Variants in PTCH1 observed in about 807,000 individuals in gnomAD.
The protein encoded by PTCH1 is patched 1.
Under a neutral mutation model 144.6 loss-of-function variants are expected in PTCH1, and 14 were observed. That is an observed-to-expected ratio of 0.10 (90% CI 0.06 to 0.15). The LOEUF (loss-of-function observed/expected upper bound fraction) is 0.15, where lower values mean the gene tolerates loss of function less well. Ranked by LOEUF, PTCH1 falls within the 10% of genes least tolerant of loss-of-function variation. PTCH1 has a pLI of 1.00. For synonymous variants in PTCH1, 833 were observed against 793.6 expected, an observed-to-expected ratio of 1.05 and a Z score of -0.83; for missense variants, 1,623 against 1,948.3, an observed-to-expected ratio of 0.83 and a Z score of 3.14.
chr9:95,508,649 C>T lies in PTCH1; in HGVS notation c.-288G>A, dbSNP rs919859177. ...CCGAGGTCTCTGCGGCCGCCGCTGC[C>T]CACATCCAGTTCGCGGAAGAGCGAG... On this transcript the variant is annotated 5_prime_UTR_variant, in exon 1 of 24. The change creates a premature stop within an existing upstream ORF in the 5' untranslated region. Coordinates refer to ENST00000331920, the MANE Select transcript of PTCH1 (RefSeq NM_000264.5). 2.0e-6 allele frequency: 2 copies of T among 988,944 alleles called. No homozygotes were observed. The highest frequency in any genetic ancestry group is 2.4e-6 in the Non-Finnish European group (2 of 832,664). 61.3% of individuals were successfully genotyped at this position (988,944 alleles called of 1,614,324 possible). A position where few individuals can be genotyped will look rare whatever the true frequency, so the allele number is the denominator to read the frequency against.
chr9:95,516,854 G>C, exon 1 of PTCH1: 1 of 1,558,010 alleles, frequency 6.4e-7, no homozygotes, highest in Non-Finnish European at 8.7e-7. Flanking sequence ...CGCGCCATAG[G>C]CAGGACCTGT....
At chr9:95,447,520 C>G (rs1838068556) in intron 22 of PTCH1, 69 bp from the exon 23 acceptor site, 1 of 1,444,934 alleles carries the variant, frequency 6.9e-7, no homozygotes, top group East Asian at 2.3e-5. Context: ...AGCTCCCACA[C>G]TTCCCTCCTT....
At chr9:95,491,830 T>C (rs1036239667) in intron 2 of PTCH1, among the ~76,000 whole-genome samples, 7 of 152,314 alleles carry the variant, frequency 4.6e-5, no homozygotes, top group African/African-American at 1.7e-4. Context: ...TCTGACCTCA[T>C]GTAATCAGTC....
At position 95,486,281 on chromosome 9, in the gene PTCH1, C is replaced by T. The variant is rs925224984; in HGVS notation, c.395-407G>A. On this transcript the variant is annotated intron_variant, in intron 2 of 23. Transcript: ENST00000331920. ...ATAAATGGCTTCAATTTACACTCTT[C>T]TCCTAAGTAAACTGGCAAAGGTAAC... is the stretch of plus-strand genomic sequence containing the variant. 5.3e-5 allele frequency among the ~76,000 whole-genome samples: 8 copies of T among 152,258 alleles called. No individual in the cohort carries two copies. The East Asian group carries it at 1.5e-3, about 29-fold the overall frequency.
chr9:95,511,113 A>G (rs916651951), upstream of PTCH1, among the ~76,000 whole-genome samples: 1 of 149,328 alleles, frequency 6.7e-6, no homozygotes, highest in Non-Finnish European at 1.5e-5. Context: ...GTCCCTGCCC[A>G]TTCAGCGGCC....
intron 16 of PTCH1, among the ~76,000 whole-genome samples, chr9:95,460,374 C>T (rs1188050445): frequency 1.3e-5 from 2 of 152,296 alleles, no homozygotes; most frequent in Middle Eastern, 3.4e-3. Context: ...CCGCACGCCG[C>T]GTCCTCTGCG....
In PTCH1 at chr9:95,451,181, A is replaced by G. The variant is rs111972975; in HGVS notation, c.3450-1241T>C. The G allele has an allele frequency of 7.8e-4, 119 of 152,372 alleles. 2 individuals are homozygous for G. The highest frequency in any genetic ancestry group is 2.7e-3 in the African/African-American group (113 of 41,584). 9.4% of individuals were successfully genotyped at this position (152,372 alleles called of 1,614,324 possible). ...CTAGAAACTTCTGAACTACATTAGT[A>G]AAAACCAAGCAGCCAATGTCTTGGT... On this transcript the variant is annotated intron_variant, in intron 20 of 23. Transcript: ENST00000331920.
intron 19 of PTCH1, 47 bp from the exon 20 acceptor site, chr9:95,453,667 G>A: frequency 1.9e-6 from 3 of 1,609,122 alleles, no homozygotes; most frequent in Non-Finnish European, 2.5e-6. Context: ...GACTTCACCT[G>A]GTAAATGCTC....
chr9:95,480,391 T>G lies in PTCH1; in HGVS notation c.944A>C (p.Lys315Thr), dbSNP rs746517321. The G allele has an allele frequency of 1.2e-6, 2 of 1,609,692 alleles. No individual in the cohort carries two copies. Among genetic ancestry groups the G allele is most frequent in the Admixed American group, 3.4e-5 (2 of 59,252 alleles). Reference protein sequence around the residue: ...PATAPNKNSTKPLDMALVLNG... With the variant: ...PATAPNKNSTTPLDMALVLNG... The stretch of plus-strand genomic sequence containing the variant: ...AGAGCGCTCACTGCTGGTACTCACT[T>G]TGGTTGAATTTTTGTTGGGGGCTGT... The change falls in exon 6 of 24, where the codon AAA (lysine) becomes ACA (threonine). Residue 315 changes from lysine (K) to threonine (T), a missense_variant and splice_region_variant. Around this residue, in one of 7 missense-constraint regions of PTCH1, gnomAD observed 230 missense variants for 271.0 expected, o/e 0.85. Transcript: ENST00000331920.
chr9:95,507,102 G>GA, intron 1 of PTCH1: 1 of 985,526 alleles, frequency 1.0e-6, no homozygotes. Flanking sequence ...CCCCCGCCGA[G>GA]AATGGTAGTA....
intron 2 of PTCH1, among the ~76,000 whole-genome samples, chr9:95,489,864 C>A (rs1263316391): frequency 2.6e-5 from 4 of 151,122 alleles, no homozygotes; most frequent in Non-Finnish European, 3.0e-5. Context: ...GCAGTGGCCC[C>A]ATCTCAGCTC....
intron 19 of PTCH1, 151 bp from the exon 20 acceptor site, chr9:95,453,771 A>T: frequency 9.6e-7 from 1 of 1,038,314 alleles, no homozygotes; most frequent in Non-Finnish European, 1.4e-6. Context: ...AACTAGCAGC[A>T]CCTAGACTTA....
chr9:95,475,621 G>C (rs1245305089), intron 12 of PTCH1, among the ~76,000 whole-genome samples: 1 of 152,168 alleles, frequency 6.6e-6, no homozygotes, highest in Non-Finnish European at 1.5e-5. Context: ...AAGGTAGCCT[G>C]TTTGGGATCA....
At chr9:95,459,454 A>T in intron 17 of PTCH1, 146 bp downstream of exon 17, 1 of 1,043,678 alleles carries the variant, frequency 9.6e-7, no homozygotes, top group Non-Finnish European at 1.4e-6. Context: ...CTCGTCTCCC[A>T]GAGTTTTAAA....
intron 2 of PTCH1, among the ~76,000 whole-genome samples, chr9:95,497,416 T>C (rs1002076524): frequency 6.6e-6 from 1 of 152,300 alleles, no homozygotes; most frequent in South Asian, 2.1e-4. Flanking sequence ...TGGAAAGCCA[T>C]TTACTTCAGA....
chr9:95,479,279 A>G, intron 7 of PTCH1, 132 bp from the exon 8 acceptor site: 1 of 1,148,478 alleles, frequency 8.7e-7, no homozygotes, highest in Non-Finnish European at 1.3e-6. Context: ...ACATGTTTCC[A>G]TTAAAATGGG....
At chr9:95,471,696 G>T (rs914536281) in intron 12 of PTCH1, among the ~76,000 whole-genome samples, 3 of 152,238 alleles carry the variant, frequency 2.0e-5, no homozygotes, top group Admixed American at 1.3e-4. Context: ...GGGTGGAGGG[G>T]TGGTCAGTCA....
chr9:95,452,682 A>C (rs1838568440), intron 20 of PTCH1: 1 of 152,290 alleles, frequency 6.6e-6, no homozygotes, highest in South Asian at 2.1e-4. Context: ...TTAGATTCCC[A>C]AGAGTTGACA....
At chr9:95,468,418 C>T (rs752278296) in intron 14 of PTCH1, among the ~76,000 whole-genome samples, 2 of 152,158 alleles carry the variant, frequency 1.3e-5, no homozygotes, top group Admixed American at 6.5e-5. Flanking sequence ...AGGCTGTTCT[C>T]GAACTCCTGG....
Sources: gnomAD v4.1 joint callset for allele counts (sites outside exome capture counted in the v4.1 genomes callset) on GRCh38, gnomAD v4.1.1 for gene constraint, gnomAD v4.1.1 regional missense constraint, MANE v1.5 for transcripts, NCBI Gene and HGNC (gene_info 2026-07-23, HGNC 2026-07-21) for gene names.